METTL13: variants seen among roughly 807,000 people sequenced by gnomAD.
METTL13 encodes the protein methyltransferase 13, eEF1A N-terminus and K55.
METTL13 carries 52 observed loss-of-function variants against 67.4 expected under a neutral mutation model. The ratio of observed to expected loss-of-function variants is 0.77; its 90% CI spans 0.62 to 0.97. The LOEUF (loss-of-function observed/expected upper bound fraction) is 0.97. METTL13 is among the 50% of genes least tolerant of loss of function. The pLI is 0.00. For synonymous variants in METTL13, 354 were observed against 353.6 expected (o/e 1.00, Z -0.01); for missense variants, 825 against 889.6 (o/e 0.93, Z 0.92).
rs1377707974 is a variant in METTL13 at position 171,787,749 on chromosome 1, T to C, written c.1128T>C (p.Ser376=). 6.2e-7 allele frequency: 1 copy of C among 1,612,346 alleles called. No individual in the cohort carries two copies. The highest frequency in any genetic ancestry group is 2.2e-5 in the East Asian group (1 of 44,816). The change falls in exon 4 of 8, where the codon TCT becomes TCC. Residue 376 remains serine (S), a synonymous_variant. Transcript: ENST00000361735. ...TGTACCTTCAGGTCCCCTTTCTGTC[T>C]GTGGGTGGGGACATTGGGGTCCGGA... ...MPTQQQVPFL[S]VGGDIGVRTV... is the part of the protein sequence containing the mutation.
rs1656900613 is a variant in METTL13 at position 171,783,626 on chromosome 1, T to A, written c.154-114T>A. On this transcript the variant is annotated intron_variant, in intron 1 of 7. Coordinates refer to ENST00000361735, the MANE Select transcript of METTL13 (RefSeq NM_015935.5). ...TGTCGCTCTTTCTCTGGCAGTAGCG[T>A]CTCCACCTTCTGAAAATGTGACTCA... is the stretch of plus-strand genomic sequence containing the variant. The A allele has an allele frequency of 4.0e-6, 5 of 1,240,444 alleles. No homozygotes were observed. In the South Asian group the frequency reaches 6.0e-5, roughly 15 times the overall value. The allele number at this position is 1,240,444 out of a possible 1,614,324, so 76.8% of individuals were successfully genotyped here.
chr1:171,793,426 C>T (rs538483897), intron 6 of METTL13, among the ~76,000 whole-genome samples: 1 of 152,310 alleles, frequency 6.6e-6, no homozygotes, highest in Non-Finnish European at 1.5e-5. Context: ...TCTTCTGTAA[C>T]ACCAAAATGT....
intron 6 of METTL13, among the ~76,000 whole-genome samples, chr1:171,793,938 G>A (rs1004242413): frequency 2.6e-5 from 4 of 152,156 alleles, no homozygotes; most frequent in Non-Finnish European, 5.9e-5. Context: ...AGAATTACCT[G>A]GAAAGCTCAA....
chr1:171,785,780 C>A, intron 2 of METTL13, 99 bp from the exon 3 acceptor site: 2 of 1,227,016 alleles, frequency 1.6e-6, no homozygotes, highest in Non-Finnish European at 1.2e-6. Flanking sequence ...GGGGAAGATG[C>A]TGGTCTTGGA....
rs550418969 is a variant in METTL13, at chr1:171,794,327, T to C, written c.1694-69T>C. The C allele has an allele frequency of 5.6e-6, 9 of 1,600,348 alleles. No individual in the cohort carries two copies. In the East Asian group the frequency reaches 1.1e-4, roughly 20 times the overall value. On this transcript the variant is annotated intron_variant, in intron 6 of 7. Transcript: ENST00000361735. ...GCCCACCACTGGTAAAGAGGAGGTA[T>C]AGTGTTGGAATGTAAATGGTATTAT... is the stretch of plus-strand genomic sequence containing the variant.
Position 171,781,949 on chromosome 1 carries a change from C to G in METTL13, c.-19C>G. 1 of 1,613,582 alleles carries G rather than the reference C, an allele frequency of 6.2e-7. No individual in the cohort carries two copies. The highest frequency in any genetic ancestry group is 8.5e-7 in the Non-Finnish European group (1 of 1,179,716). On this transcript the variant is annotated 5_prime_UTR_variant, in exon 1 of 8. Transcript: ENST00000361735. Reference sequence around the variant, plus strand: ...AGGGAATAGGGGAGTCTTGAAAACGCAGCTTCGGCAGTAGGAACATGAACC... The same window carrying G: ...AGGGAATAGGGGAGTCTTGAAAACGGAGCTTCGGCAGTAGGAACATGAACC...
rs769434437 is a variant in METTL13, at chr1:171,781,976, C to G, written c.9C>G (p.Leu3=). MN[L]LPKSSREFGS... The stretch of plus-strand genomic sequence containing the variant: ...GCTTCGGCAGTAGGAACATGAACCT[C>G]TTACCTAAAAGTTCCAGGGAGTTTG... The change falls in exon 1 of 8, where the codon CTC becomes CTG. Residue 3 remains leucine, a synonymous_variant. Coordinates refer to ENST00000361735, the MANE Select transcript of METTL13 (RefSeq NM_015935.5). The G allele has an allele frequency of 2.7e-5, 44 of 1,614,036 alleles. No individual in the cohort carries two copies. The highest frequency in any genetic ancestry group is 2.4e-4 in the South Asian group (22 of 91,086).
chr1:171,785,345 TTCTG>T, intron 2 of METTL13, among the ~76,000 whole-genome samples: 1 of 152,328 alleles, frequency 6.6e-6, no homozygotes, highest in East Asian at 1.9e-4. Context: ...TATTCTATAA[TTCTG>T]TCTGTCCATG....
intron 7 of METTL13, 50 bp from the exon 8 acceptor site, chr1:171,796,432 C>T (rs1471407795): frequency 1.3e-6 from 2 of 1,595,640 alleles, no homozygotes; most frequent in Non-Finnish European, 1.7e-6. Context: ...CCTTGTCTTT[C>T]ATATGTCTCC....
In METTL13 at chr1:171,790,375, G is replaced by A. The variant is rs144538688; in HGVS notation, c.1310-77G>A. 3.5e-5 allele frequency: 49 copies of A among 1,382,162 alleles called. No individual in the cohort carries two copies. The South Asian group carries it at 6.8e-4, about 19-fold the overall frequency. 85.6% of individuals were successfully genotyped at this position (1,382,162 alleles called of 1,614,324 possible). Reference sequence around the variant, plus strand: ...GGTCTTTTGAGTGTTCAAGCCATCTGGAGCACACTGCTGCCAGTAACCCTT... The same window carrying A: ...GGTCTTTTGAGTGTTCAAGCCATCTAGAGCACACTGCTGCCAGTAACCCTT... On this transcript the variant is annotated intron_variant, in intron 4 of 7. Transcript: ENST00000361735.
chr1:171,784,416 CG>C lies in METTL13; in HGVS notation c.835del (p.Glu279SerfsTer14), dbSNP rs2124897155. On this transcript the variant is annotated frameshift_variant, in exon 2 of 8. Coordinates refer to ENST00000361735, the MANE Select transcript of METTL13 (RefSeq NM_015935.5). LOFTEE classifies it high-confidence loss of function. ...TCTCTGGACTTGTGCGATGGGGACA[CG>C]GGGGAGCCACGCTACACCCTCCACG... ...SVSLDLCDGD[T>X]GEPRYTLHVV... is the part of the protein sequence containing the mutation. 1 of 1,542,262 alleles carries C rather than the reference CG, an allele frequency of 6.5e-7. No homozygotes were observed. Among genetic ancestry groups the C allele is most frequent in the Non-Finnish European group, 8.7e-7 (1 of 1,146,286 alleles).
chr1:171,792,250 G>A lies in METTL13; in HGVS notation c.1693+15G>A. The A allele has an allele frequency of 6.2e-7, 1 of 1,613,906 alleles. No individual in the cohort carries two copies. The highest frequency in any genetic ancestry group is 1.1e-5 in the South Asian group (1 of 91,058). Reference sequence around the variant, plus strand: ...AGGAGGAGAAGGTACTGCTCTTGGAGCATTTGAAGGGGTGTTGAGGGATGA... The same window carrying A: ...AGGAGGAGAAGGTACTGCTCTTGGAACATTTGAAGGGGTGTTGAGGGATGA... On this transcript the variant is annotated intron_variant, in intron 6 of 7. Transcript: ENST00000361735.
chr1:171,796,374 T>A, intron 7 of METTL13, 108 bp from the exon 8 acceptor site: 1 of 1,347,138 alleles, frequency 7.4e-7, no homozygotes, highest in South Asian at 1.3e-5. Context: ...TGTGTTTTAG[T>A]CCACCAGTCT....
chr1:171,795,234 T>A (rs577211745), intron 7 of METTL13, among the ~76,000 whole-genome samples: 1 of 152,362 alleles, frequency 6.6e-6, no homozygotes, highest in East Asian at 1.9e-4. Context: ...TTATATCATG[T>A]AACTTAACAC....
intron 6 of METTL13, among the ~76,000 whole-genome samples, chr1:171,792,829 C>T (rs1657250664): frequency 6.6e-6 from 1 of 152,058 alleles, no homozygotes; most frequent in African/African-American, 2.4e-5. Flanking sequence ...TTATCTGGCC[C>T]AGAATTTCCA....
At position 171,792,217 on chromosome 1, in the gene METTL13, T is replaced by G; in HGVS notation, c.1675T>G (p.Leu559Val). Residue 559 changes from leucine (L) to valine (V), a missense_variant, in exon 6 of 8, where the codon TTG (leucine) becomes GTG (valine). Leu to Val is a conservative substitution (Grantham distance 32, BLOSUM62 1). Coordinates refer to ENST00000361735, the MANE Select transcript of METTL13 (RefSeq NM_015935.5). Reference sequence around the variant, plus strand: ...AGATGGCCTGGACTATATCGCCAGCTTGGCAGGAGGAGGAGAAGGTACTGC... The same window carrying G: ...AGATGGCCTGGACTATATCGCCAGCGTGGCAGGAGGAGGAGAAGGTACTGC... ...IADGLDYIAS[L>V]AGGGEARPCY... is the part of the protein sequence containing the mutation. 1 of 1,614,196 alleles carries G rather than the reference T, an allele frequency of 6.2e-7. No individual in the cohort carries two copies. The highest frequency in any genetic ancestry group is 1.1e-5 in the South Asian group (1 of 91,082).
intron 7 of METTL13, among the ~76,000 whole-genome samples, chr1:171,794,981 G>A (rs1657321162): frequency 6.6e-6 from 1 of 152,054 alleles, no homozygotes; most frequent in Non-Finnish European, 1.5e-5. Context: ...CACCATGCCT[G>A]GCTAATTTTT....
chr1:171,784,481 C>A lies in METTL13; in HGVS notation c.895C>A (p.His299Asn). The A allele has an allele frequency of 6.7e-7, 1 of 1,503,314 alleles. No individual in the cohort carries two copies. Among genetic ancestry groups the A allele is most frequent in the South Asian group, 1.4e-5 (1 of 73,364 alleles). 93.1% of individuals were successfully genotyped at this position (1,503,314 alleles called of 1,614,324 possible). A position where few individuals can be genotyped will look rare whatever the true frequency, so the allele number is the denominator to read the frequency against. The change falls in exon 2 of 8, where the codon CAT becomes AAT. Residue 299 changes from histidine (H) to asparagine (N), a missense_variant. His to Asn is a moderately conservative substitution (Grantham distance 68, BLOSUM62 1). Coordinates refer to ENST00000361735, the MANE Select transcript of METTL13 (RefSeq NM_015935.5). ...SPTVKPSRDN[H>N]FAIFIIPQGR... is the part of the protein sequence containing the mutation. The stretch of plus-strand genomic sequence containing the variant: ...CACTGTGAAACCATCGCGGGACAAT[C>A]ATTTTGCGATTTTCATCAGTGAGTT...
Position 171,781,665 on chromosome 1 carries a change from G to A in METTL13, c.-303G>A. ...GACGAATCACGAGGCTTCGCACCCG[G>A]ATATGGTTATGGGCTCGGAAATCTA... is the stretch of plus-strand genomic sequence containing the variant. On this transcript the variant is annotated 5_prime_UTR_variant, in exon 1 of 8. Coordinates refer to ENST00000361735, the MANE Select transcript of METTL13 (RefSeq NM_015935.5). 1 of 744,544 alleles carries A rather than the reference G, an allele frequency of 1.3e-6. No homozygotes were observed. The highest frequency in any genetic ancestry group is 3.1e-5 in the South Asian group (1 of 32,232). 46.1% of individuals were successfully genotyped at this position (744,544 alleles called of 1,614,324 possible). A position where few individuals can be genotyped will look rare whatever the true frequency, so the allele number is the denominator to read the frequency against.
Sources: allele counts gnomAD v4.1 joint callset (sites outside exome capture counted in the v4.1 genomes callset), GRCh38; gene constraint gnomAD v4.1.1; transcripts MANE v1.5; gene names NCBI Gene and HGNC (gene_info 2026-07-23, HGNC 2026-07-21).